Variants in FBF1 observed in about 807,000 individuals in gnomAD.
The protein encoded by FBF1 is fas-binding factor 1.
In FBF1, 119 loss-of-function variants were observed where a neutral mutation model predicts 147.2. That is an observed-to-expected ratio of 0.81 (90% CI 0.70 to 0.94). The LOEUF is 0.94. Ranked by LOEUF, FBF1 falls within the 40% of genes least tolerant of loss-of-function variation. The pLI is 0.00. For missense variants in FBF1, 1,449 were observed against 1,500.8 expected (o/e 0.97, Z 0.57); for synonymous variants, 601 against 609.0 (o/e 0.99, Z 0.19).
intron 5 of FBF1, 29 bp from the exon 6 acceptor site, chr17:75,931,318 T>C: frequency 6.4e-7 from 1 of 1,565,478 alleles, no homozygotes; most frequent in South Asian, 1.2e-5. Flanking sequence ...AGCCCCTACC[T>C]GCATCCCAGG....
In FBF1 at chr17:75,912,179, A is replaced by T. The variant is rs1245985105; in HGVS notation, c.3363+13T>A. 6.3e-7 allele frequency: 1 copy of T among 1,597,178 alleles called. No individual in the cohort carries two copies. The highest frequency in any genetic ancestry group is 8.5e-7 in the Non-Finnish European group (1 of 1,172,532). ...CGTGAACACAAGGATCCCCAAGGCCAGGAGAGACTCACCTGCTCTGCCATG... is the reference window on the plus strand; with the variant it reads ...CGTGAACACAAGGATCCCCAAGGCCTGGAGAGACTCACCTGCTCTGCCATG... On this transcript the variant is annotated intron_variant, in intron 29 of 29. Coordinates refer to ENST00000636174, the MANE Select transcript of FBF1 (RefSeq NM_001319193.2).
intron 28 of FBF1, 195 bp downstream of exon 28, chr17:75,913,507 C>T (rs1194051266): frequency 2.1e-6 from 1 of 474,086 alleles, no homozygotes; most frequent in Non-Finnish European, 3.7e-6. Context: ...AAAAAGGTGA[C>T]ATTTTTCATA....
intron 17 of FBF1, 83 bp from the exon 18 acceptor site, chr17:75,920,512 C>T: frequency 7.2e-7 from 1 of 1,387,416 alleles, no homozygotes; most frequent in Non-Finnish European, 9.7e-7. Flanking sequence ...GCCCACTGCT[C>T]ACTGGACCTC....
chr17:75,920,650 G>A (rs2065519942), intron 17 of FBF1, among the ~76,000 whole-genome samples: 1 of 152,122 alleles, frequency 6.6e-6, no homozygotes, highest in Non-Finnish European at 1.5e-5. Context: ...CCACCCTCCG[G>A]AACAGCTTCC....
At chr17:75,926,497 G>A (rs2065562752) in intron 10 of FBF1, 71 bp from the exon 11 acceptor site, 3 of 1,472,040 alleles carry the variant, frequency 2.0e-6, no homozygotes, top group Non-Finnish European at 2.7e-6. Context: ...ATGGGGTTGG[G>A]GGTGGTTTCT....
At position 75,914,843 on chromosome 17, in the gene FBF1, C is replaced by T. The variant is rs562007185; in HGVS notation, c.2718G>A (p.Ala906=). The change falls in exon 25 of 30, where the codon GCG becomes GCA. Residue 906 remains alanine (A), a synonymous_variant. Coordinates refer to ENST00000636174, the MANE Select transcript of FBF1 (RefSeq NM_001319193.2). ...CCCGCTCCTTACTCAGCTTTTGCTG[C>T]GCGGAGAACTCCGCCCACTCGGCAG... ...RLAAEWAEFS[A]QQKLSKERAE... 33 of 1,608,356 alleles carry T rather than the reference C, an allele frequency of 2.1e-5. No homozygotes were observed. The African/African-American group carries it at 2.4e-4, about 12-fold the overall frequency.
intron 2 of FBF1, 129 bp downstream of exon 2, chr17:75,938,018 C>G (rs769007878): frequency 7.1e-7 from 1 of 1,400,704 alleles, no homozygotes; most frequent in East Asian, 2.5e-5. Context: ...TCCTGTCACT[C>G]TTCTCCAGGG....
At chr17:75,930,126 C>G in intron 6 of FBF1, 79 bp from the exon 7 acceptor site, 1 of 1,182,860 alleles carries the variant, frequency 8.5e-7, no homozygotes, top group Non-Finnish European at 1.2e-6. Context: ...GTCCTGGCCC[C>G]TTGCTTCTGT....
At chr17:75,937,842 C>G (rs1053524824) in intron 2 of FBF1, 2 of 629,684 alleles carry the variant, frequency 3.2e-6, no homozygotes, top group Non-Finnish European at 5.6e-6. Flanking sequence ...TTCCCAGACA[C>G]GACATGCAAA....
intron 4 of FBF1, among the ~76,000 whole-genome samples, chr17:75,934,739 C>T (rs1409936973): frequency 3.3e-5 from 5 of 151,624 alleles, no homozygotes; most frequent in Non-Finnish European, 7.4e-5. Context: ...ATTAGCTGGG[C>T]GTGGTGGCGA....
At chr17:75,913,582 A>C (rs2065468198) in intron 28 of FBF1, 120 bp downstream of exon 28, 1 of 631,210 alleles carries the variant, frequency 1.6e-6, no homozygotes, top group Admixed American at 3.3e-5. Flanking sequence ...AAAAGAAATA[A>C]GGCGACTATA....
Position 75,918,314 on chromosome 17 carries a change from A to G in FBF1, c.2139-45T>C. ...GAAGGCGGTCACTCTGAGCTGGATC[A>G]CCCTGATGCGGTAACTCCTTGTGGA... On this transcript the variant is annotated intron_variant, in intron 20 of 29. Coordinates refer to ENST00000636174, the MANE Select transcript of FBF1 (RefSeq NM_001319193.2). This position sits in a 1 kb window ranked among gnomAD's most constrained non-coding sequence, Gnocchi z 5.8. The G allele has an allele frequency of 6.6e-7, 1 of 1,518,402 alleles. No homozygotes were observed. The highest frequency in any genetic ancestry group is 9.1e-7 in the Non-Finnish European group (1 of 1,104,452). The allele number at this position is 1,518,402 out of a possible 1,614,324, so 94.1% of individuals were successfully genotyped here. A position where few individuals can be genotyped will look rare whatever the true frequency, so the allele number is the denominator to read the frequency against.
intron 23 of FBF1, among the ~76,000 whole-genome samples, chr17:75,915,402 C>A (rs983071246): frequency 1.3e-5 from 2 of 152,198 alleles, no homozygotes; most frequent in African/African-American, 4.8e-5. Context: ...CTTGGGAGGG[C>A]CAAAGAGCAG....
intron 27 of FBF1, 35 bp downstream of exon 27, chr17:75,913,877 CG>C: frequency 2.6e-6 from 4 of 1,555,924 alleles, no homozygotes. Context: ...CTGGGGGTGC[CG>C]GGGGCAGGGG....
intron 5 of FBF1, 137 bp from the exon 6 acceptor site, chr17:75,931,426 C>T: frequency 1.5e-6 from 1 of 685,362 alleles, no homozygotes; most frequent in South Asian, 1.8e-5. Flanking sequence ...AGGAATGTCA[C>T]AGGCCACCTG....
chr17:75,919,335 C>T lies in FBF1; in HGVS notation c.2138+333G>A, dbSNP rs1282045454. On this transcript the variant is annotated intron_variant, in intron 20 of 29. Transcript: ENST00000636174. This position sits in a 1 kb window ranked among gnomAD's most constrained non-coding sequence, Gnocchi z 5.0. ...GGCAGGCACAACAGCGCAAGCCTTT[C>T]CCAGGTGGATCTTGTTTCTAGCCTC... 6.6e-6 allele frequency among the ~76,000 whole-genome samples: 1 copy of T among 152,232 alleles called. No individual in the cohort carries two copies. The highest frequency in any genetic ancestry group is 1.5e-5 in the Non-Finnish European group (1 of 68,042).
intron 1 of FBF1, among the ~76,000 whole-genome samples, chr17:75,939,385 C>T (rs1303673230): frequency 2.0e-5 from 3 of 150,478 alleles, no homozygotes; most frequent in Non-Finnish European, 3.0e-5. Flanking sequence ...CAGTGGCCAT[C>T]ATCCCTTACC....
In FBF1 at chr17:75,914,446, C is replaced by T. The variant is rs369964346; in HGVS notation, c.2815-148G>A. 432 of 1,276,456 alleles carry T rather than the reference C, an allele frequency of 3.4e-4. 8 individuals are homozygous for T. In the South Asian group the frequency reaches 6.3e-3, roughly 18 times the overall value. The allele number at this position is 1,276,456 out of a possible 1,614,324, so 79.1% of individuals were successfully genotyped here. A position where few individuals can be genotyped will look rare whatever the true frequency, so the allele number is the denominator to read the frequency against. Reference sequence around the variant, plus strand: ...CAGGGAGAGCCAGAGAAGCCTGGGGCCAAGCCGGAGTGCTGCCCTCACAAG... The same window carrying T: ...CAGGGAGAGCCAGAGAAGCCTGGGGTCAAGCCGGAGTGCTGCCCTCACAAG... On this transcript the variant is annotated intron_variant, in intron 25 of 29. Transcript: ENST00000636174.
intron 28 of FBF1, chr17:75,913,470 C>CTT (rs577427811): frequency 1.2e-5 from 5 of 419,690 alleles, no homozygotes; most frequent in Admixed American, 4.1e-5. Context: ...TTTTTATTTC[C>CTT]TTTTTTTTTC....
Sources: allele counts gnomAD v4.1 joint callset (sites outside exome capture counted in the v4.1 genomes callset), GRCh38; gene constraint gnomAD v4.1.1; non-coding constraint Gnocchi (gnomAD v3.1); transcripts MANE v1.5; gene names NCBI Gene and HGNC (gene_info 2026-07-23, HGNC 2026-07-21).